Variants in EPB41L5 observed in about 807,000 individuals in gnomAD.
EPB41L5 encodes erythrocyte membrane protein band 4.1 like 5, also known as band 4.1-like protein 5.
Under a neutral mutation model 106.6 loss-of-function variants are expected in EPB41L5, and 55 were observed. The observed-to-expected ratio is 0.52, with a 90% CI of 0.42 to 0.65. EPB41L5 has a LOEUF of 0.65. Ranked by LOEUF, EPB41L5 falls within the 30% of genes least tolerant of loss-of-function variation. The pLI is 0.00. For missense variants in EPB41L5, 871 were observed against 882.1 expected (o/e 0.99, Z 0.16); for synonymous variants, 297 against 306.7 (o/e 0.97, Z 0.33).
chr2:120,173,018 G>A (rs550382574), intron 24 of EPB41L5, among the ~76,000 whole-genome samples: 36 of 152,186 alleles, frequency 2.4e-4, no homozygotes, highest in Admixed American at 1.1e-3. Context: ...GCTTAAGACC[G>A]GGAGTTCAAG....
intron 2 of EPB41L5, among the ~76,000 whole-genome samples, chr2:120,028,807 A>G (rs189409643): frequency 6.6e-6 from 1 of 152,304 alleles, no homozygotes; most frequent in African/African-American, 2.4e-5. Flanking sequence ...GGAGGGGCGC[A>G]TATCAATTAT....
intron 1 of EPB41L5, among the ~76,000 whole-genome samples, chr2:120,015,736 G>A (rs541224814): frequency 1.3e-5 from 2 of 151,858 alleles, no homozygotes; most frequent in East Asian, 3.9e-4. Flanking sequence ...CCTGAGGCCA[G>A]GAGTTTGAGA....
At position 120,014,189 on chromosome 2, in the gene EPB41L5, AG is replaced by A. The variant is rs1161296939; in HGVS notation, c.-9+980del. Among the ~76,000 whole-genome samples the A allele has an allele frequency of 2.6e-5, 4 of 152,246 alleles. No individual in the cohort carries two copies. In the East Asian group the frequency reaches 7.7e-4, roughly 29 times the overall value. On this transcript the variant is annotated intron_variant, in intron 1 of 24. Transcript: ENST00000263713. The stretch of plus-strand genomic sequence containing the variant: ...ATTAACCAACCATATTGTGGCCACC[AG>A]TCATGTAAGAGTATACATATTTCAT...
chr2:120,153,467 T>C (rs1686766433), intron 20 of EPB41L5, among the ~76,000 whole-genome samples: 1 of 152,164 alleles, frequency 6.6e-6, no homozygotes, highest in Non-Finnish European at 1.5e-5. Flanking sequence ...TCTGCAGTTA[T>C]TAGGTGGAGT....
chr2:120,025,519 T>A (rs1678244811), intron 2 of EPB41L5, among the ~76,000 whole-genome samples: 3 of 152,246 alleles, frequency 2.0e-5, no homozygotes, highest in African/African-American at 7.2e-5. Context: ...CCAGTCTGTG[T>A]CTTGTAATTG....
chr2:120,154,783 G>A (rs1429398093), intron 20 of EPB41L5, among the ~76,000 whole-genome samples: 4 of 151,896 alleles, frequency 2.6e-5, no homozygotes, highest in Admixed American at 6.6e-5. Context: ...AATATTAGCC[G>A]GGCGTGGTGG....
intron 20 of EPB41L5, among the ~76,000 whole-genome samples, chr2:120,158,060 ACCT>A (rs1686976904): frequency 6.6e-6 from 1 of 152,172 alleles, no homozygotes; most frequent in Non-Finnish European, 1.5e-5. Flanking sequence ...AGAAATTGAA[ACCT>A]GAACAGACCA....
In EPB41L5 at chr2:120,052,308, C is replaced by T. The variant is rs145454999; in HGVS notation, c.285+10198C>T. On this transcript the variant is annotated intron_variant, in intron 3 of 24. Coordinates refer to ENST00000263713, the MANE Select transcript of EPB41L5 (RefSeq NM_020909.4). ...CTTATAAAGTAGATTAATCTTGGCA[C>T]CTTTGGCAGAAAAATAACCGAAGTG... Among the ~76,000 whole-genome samples the T allele has an allele frequency of 1.4e-4, 22 of 152,232 alleles. No homozygotes were observed. In the East Asian group the frequency reaches 4.3e-3, roughly 29 times the overall value.
At chr2:120,042,219 T>C (rs1161985071) in intron 3 of EPB41L5, 109 bp downstream of exon 3, 3 of 772,748 alleles carry the variant, frequency 3.9e-6, no homozygotes, top group South Asian at 1.9e-5. Flanking sequence ...TATTGTGATA[T>C]AAAGCTTTGA....
intron 10 of EPB41L5, among the ~76,000 whole-genome samples, chr2:120,079,595 A>T (rs903178344): frequency 7.2e-5 from 11 of 152,162 alleles, no homozygotes; most frequent in African/African-American, 2.4e-4. Flanking sequence ...ACACTGCTCG[A>T]TAAAGCCTGT....
Position 120,019,251 on chromosome 2 carries a change from G to A in EPB41L5, c.167G>A (p.Ser56Asn), listed in dbSNP as rs766973777. Reference sequence around the variant, plus strand: ...TCCCTTCTGGATGGTACTGATGTTAGTGTGGACTTGCCAGTAAGTAGGTCT... The same window carrying A: ...TCCCTTCTGGATGGTACTGATGTTAATGTGGACTTGCCAGTAAGTAGGTCT... ...RVSLLDGTDV[S>N]VDLPKKAKGQ... Residue 56 changes from serine to asparagine, a missense_variant, in exon 2 of 25, where the codon AGT (serine) becomes AAT (asparagine). Coordinates refer to ENST00000263713, the MANE Select transcript of EPB41L5 (RefSeq NM_020909.4). The A allele has an allele frequency of 6.2e-7, 1 of 1,608,004 alleles. No individual in the cohort carries two copies. The highest frequency in any genetic ancestry group is 1.3e-5 in the African/African-American group (1 of 74,382).
At chr2:120,140,163 G>T (rs1429196782) in intron 18 of EPB41L5, among the ~76,000 whole-genome samples, 1 of 152,046 alleles carries the variant, frequency 6.6e-6, no homozygotes, top group Non-Finnish European at 1.5e-5. Context: ...AGTATGGAGG[G>T]TGTGGGGAAA....
chr2:120,109,573 T>C (rs1010402528), intron 16 of EPB41L5, among the ~76,000 whole-genome samples: 1 of 152,228 alleles, frequency 6.6e-6, no homozygotes, highest in Non-Finnish European at 1.5e-5. Context: ...AGGTCCTCAC[T>C]AGTCATTTAG....
chr2:120,138,822 G>GA (rs1267228751), intron 18 of EPB41L5, among the ~76,000 whole-genome samples: 2 of 151,582 alleles, frequency 1.3e-5, no homozygotes, highest in African/African-American at 4.8e-5. Context: ...CAAAGAAATA[G>GA]AAAAAAATAA....
In EPB41L5 at chr2:120,079,075, C is replaced by A. The variant is rs572250339; in HGVS notation, c.803+494C>A. On this transcript the variant is annotated intron_variant, in intron 10 of 24. Coordinates refer to ENST00000263713, the MANE Select transcript of EPB41L5 (RefSeq NM_020909.4). ...ATAGATTTTACTTGGATTTCTTGGC[C>A]ATAATTGAGTCCATCAGATTTTGTC... Among the ~76,000 whole-genome samples the A allele has an allele frequency of 9.2e-5, 14 of 152,118 alleles. No homozygotes were observed. The East Asian group carries it at 2.5e-3, about 27-fold the overall frequency.
chr2:120,078,257 C>T (rs1008595096), intron 9 of EPB41L5, among the ~76,000 whole-genome samples: 2 of 151,920 alleles, frequency 1.3e-5, no homozygotes, highest in African/African-American at 4.8e-5. Context: ...TACCCACTTT[C>T]AATGAAGATA....
intron 3 of EPB41L5, among the ~76,000 whole-genome samples, chr2:120,059,110 T>C (rs1285321899): frequency 6.6e-6 from 1 of 152,162 alleles, no homozygotes; most frequent in Admixed American, 6.6e-5. Flanking sequence ...GCGACAGACA[T>C]GTAGATCAAT....
At chr2:120,075,400 C>T in intron 5 of EPB41L5, 76 bp from the exon 6 acceptor site, 1 of 1,058,748 alleles carries the variant, frequency 9.4e-7, no homozygotes, top group Non-Finnish European at 1.4e-6. Context: ...TAATACTTCT[C>T]AAGTTAGAAG....
chr2:120,014,365 A>G (rs1330088463), intron 1 of EPB41L5, among the ~76,000 whole-genome samples: 2 of 152,192 alleles, frequency 1.3e-5, no homozygotes, highest in Admixed American at 1.3e-4. Context: ...CTACCATCCA[A>G]AAATTCCACT....
Sources: gnomAD v4.1 joint callset for allele counts (sites outside exome capture counted in the v4.1 genomes callset) on GRCh38, gnomAD v4.1.1 for gene constraint, MANE v1.5 for transcripts, NCBI Gene and HGNC (gene_info 2026-07-23, HGNC 2026-07-21) for gene names.